ZNF407: variants seen among roughly 807,000 people sequenced by gnomAD.
ZNF407 encodes zinc finger protein 407.
Under a neutral mutation model 131.2 loss-of-function variants are expected in ZNF407, and 17 were observed. The ratio of observed to expected loss-of-function variants is 0.13; its 90% CI spans 0.09 to 0.19. The LOEUF (loss-of-function observed/expected upper bound fraction) is 0.19. Among genes scored for constraint, ZNF407 ranks in the 10% least tolerant of loss-of-function variants. ZNF407 has a pLI of 1.00. For missense variants in ZNF407, 2,681 were observed against 2,830.6 expected (o/e 0.95, Z 1.20); for synonymous variants, 1,156 against 1,062.0 (o/e 1.09, Z -1.72).
intron 4 of ZNF407, among the ~76,000 whole-genome samples, chr18:74,793,586 A>G (rs1045714669): frequency 5.3e-5 from 8 of 152,246 alleles, no homozygotes; most frequent in African/African-American, 1.7e-4. Flanking sequence ...GTAAAGTGTG[A>G]CTTTCAGCAA....
chr18:74,984,670 T>C (rs1599278936), intron 8 of ZNF407, among the ~76,000 whole-genome samples: 1 of 152,222 alleles, frequency 6.6e-6, no homozygotes, highest in East Asian at 1.9e-4. Flanking sequence ...GTTAAGAAAA[T>C]CCCGTATTGT....
chr18:74,864,034 A>G (rs1395361962), intron 4 of ZNF407, among the ~76,000 whole-genome samples: 1 of 152,184 alleles, frequency 6.6e-6, no homozygotes, highest in African/African-American at 2.4e-5. Flanking sequence ...TTTATTCCTG[A>G]GGATAATTAA....
intron 3 of ZNF407, among the ~76,000 whole-genome samples, chr18:74,766,520 C>G (rs1447049262): frequency 6.6e-6 from 1 of 152,182 alleles, no homozygotes; most frequent in African/African-American, 2.4e-5. Context: ...ACTGGTATTT[C>G]TCTGCTGGCT....
chr18:74,643,879 G>A (rs1027270708), intron 3 of ZNF407, among the ~76,000 whole-genome samples: 4 of 151,894 alleles, frequency 2.6e-5, no homozygotes, highest in Non-Finnish European at 4.4e-5. Flanking sequence ...GAATCTTCAG[G>A]ATCAGTTTTA....
chr18:74,985,241 A>T (rs1194363424), intron 8 of ZNF407, among the ~76,000 whole-genome samples: 1 of 152,228 alleles, frequency 6.6e-6, no homozygotes, highest in East Asian at 1.9e-4. Context: ...TTACCTCCTT[A>T]AAATACCCTT....
intron 6 of ZNF407, among the ~76,000 whole-genome samples, chr18:74,882,687 C>A (rs528777022): frequency 6.6e-6 from 1 of 152,040 alleles, no homozygotes; most frequent in African/African-American, 2.4e-5. Flanking sequence ...AAAACAAGGT[C>A]CATTTTAAGT....
In ZNF407 at chr18:74,770,351, T is replaced by C. The variant is rs369567844; in HGVS notation, c.4803-11077T>C. On this transcript the variant is annotated intron_variant, in intron 3 of 8. Transcript: ENST00000299687. ...AGGTGAAGGCTGCATTGAGCCATGA[T>C]TGTGCCACTGTAGTCAGCCTGGGTA... 1.1e-4 allele frequency among the ~76,000 whole-genome samples: 16 copies of C among 152,242 alleles called. No individual in the cohort carries two copies. The East Asian group carries it at 2.5e-3, about 24-fold the overall frequency.
At chr18:74,973,037 T>C (rs1285555703) in intron 8 of ZNF407, among the ~76,000 whole-genome samples, 1 of 152,218 alleles carries the variant, frequency 6.6e-6, no homozygotes, top group Non-Finnish European at 1.5e-5. Context: ...TTTTCCTGCC[T>C]GCTTGCGGTT....
chr18:75,033,171 G>A (rs966795890), intron 8 of ZNF407, among the ~76,000 whole-genome samples: 3 of 130,284 alleles, frequency 2.3e-5, no homozygotes, highest in Non-Finnish European at 4.7e-5. Context: ...TGCTCAGAAT[G>A]GGGGGAAGAC....
chr18:74,633,010 G>T lies in ZNF407; in HGVS notation c.1991G>T (p.Ser664Ile), dbSNP rs149806516. 5.3e-4 allele frequency: 857 copies of T among 1,613,660 alleles called. 3 individuals are homozygous for T. In the African/African-American group the frequency reaches 8.7e-3, roughly 16 times the overall value. ...TTGGTTTTACAGACTTTACCTTTGA[G>T]TACTTTAGAATCAGAAAACGCAAAA... The part of the protein sequence containing the change: ...SDLVLQTLPL[S>I]TLESENAKES... The change falls in exon 2 of 9, where the codon AGT becomes ATT. Residue 664 changes from serine to isoleucine, a missense_variant. Around this residue, in one of 6 missense-constraint regions of ZNF407, gnomAD observed 1,789 missense variants for 1,748.7 expected, o/e 1.02. Coordinates refer to ENST00000299687, the MANE Select transcript of ZNF407 (RefSeq NM_017757.3).
intron 1 of ZNF407, among the ~76,000 whole-genome samples, chr18:74,609,072 T>C (rs1215573456): frequency 6.6e-6 from 1 of 152,200 alleles, no homozygotes; most frequent in Non-Finnish European, 1.5e-5. Context: ...GGTTTGTTAT[T>C]ATTTATTAGA....
At chr18:74,995,609 T>C (rs1019989597) in intron 8 of ZNF407, among the ~76,000 whole-genome samples, 2 of 152,252 alleles carry the variant, frequency 1.3e-5, no homozygotes, top group African/African-American at 4.8e-5. Flanking sequence ...CTTTCTGTTT[T>C]CTAGATTATT....
chr18:74,709,365 A>G (rs762180547), intron 3 of ZNF407, among the ~76,000 whole-genome samples: 3 of 152,212 alleles, frequency 2.0e-5, no homozygotes, highest in East Asian at 3.8e-4. Context: ...TCCATAATGT[A>G]TCTTCTTTGT....
At chr18:74,765,148 C>G (rs928132511) in intron 3 of ZNF407, among the ~76,000 whole-genome samples, 2 of 152,080 alleles carry the variant, frequency 1.3e-5, no homozygotes, top group South Asian at 4.2e-4. Context: ...GTTCCTAGAA[C>G]CAATTCCCCA....
At chr18:74,896,674 T>C (rs915938503) in intron 7 of ZNF407, among the ~76,000 whole-genome samples, 1 of 152,184 alleles carries the variant, frequency 6.6e-6, no homozygotes, top group Non-Finnish European at 1.5e-5. Context: ...TTCTCCTAGC[T>C]TGTGTCATGA....
At chr18:75,016,253 C>T (rs934426792) in intron 8 of ZNF407, among the ~76,000 whole-genome samples, 9 of 152,114 alleles carry the variant, frequency 5.9e-5, no homozygotes, top group Admixed American at 5.9e-4. Flanking sequence ...TCCTGGTTCA[C>T]TGCTTCATAT....
chr18:74,754,178 G>A (rs1235739240), intron 3 of ZNF407, among the ~76,000 whole-genome samples: 1 of 152,020 alleles, frequency 6.6e-6, no homozygotes, highest in Non-Finnish European at 1.5e-5. Flanking sequence ...TATTTCTGTG[G>A]GATTGGTGGT....
At chr18:74,735,103 G>T (rs1599109861) in intron 3 of ZNF407, among the ~76,000 whole-genome samples, 1 of 152,222 alleles carries the variant, frequency 6.6e-6, no homozygotes, top group African/African-American at 2.4e-5. Context: ...AGTTCTGTCT[G>T]TATATTTTTA....
Position 74,634,450 on chromosome 18 carries a change from C to T in ZNF407, c.3431C>T (p.Ala1144Val). The part of the protein sequence containing the change: ...TNLDMSKVLC[A>V]ADSVEVETEE... ...TTAGATATGTCTAAAGTGCTCTGCG[C>T]TGCTGACTCTGTAGAAGTTGAGACT... The change falls in exon 2 of 9, where the codon GCT becomes GTT. Residue 1144 changes from alanine (A) to valine (V), a missense_variant. Ala to Val is a moderately conservative substitution (Grantham distance 64). This residue lies in a region of ZNF407 where 1,789 missense variants were observed against 1,748.7 expected (regional missense o/e 1.02). Coordinates refer to ENST00000299687, the MANE Select transcript of ZNF407 (RefSeq NM_017757.3). 1.9e-6 allele frequency: 3 copies of T among 1,613,688 alleles called. No individual in the cohort carries two copies. The highest frequency in any genetic ancestry group is 2.5e-6 in the Non-Finnish European group (3 of 1,179,882).
Sources: allele counts gnomAD v4.1 joint callset (sites outside exome capture counted in the v4.1 genomes callset), GRCh38; gene constraint gnomAD v4.1.1; regional missense constraint gnomAD v4.1.1; transcripts MANE v1.5; gene names NCBI Gene and HGNC (gene_info 2026-07-23, HGNC 2026-07-21).